Variants in CLYBL observed in about 807,000 individuals in gnomAD.
The protein encoded by CLYBL is citramalyl-CoA lyase, mitochondrial.
CLYBL carries 31 observed loss-of-function variants against 38.9 expected under a neutral mutation model. That is an observed-to-expected ratio of 0.80 (90% CI 0.60 to 1.08). The LOEUF (loss-of-function observed/expected upper bound fraction) is 1.08. Ranked by LOEUF, CLYBL falls within the 50% of genes least tolerant of loss-of-function variation. The probability of loss-of-function intolerance (pLI) is 0.00; values close to 1 mark genes in which losing one functional copy is unlikely to be tolerated. For missense variants in CLYBL, 434 were observed against 411.6 expected, an observed-to-expected ratio of 1.05 and a Z score of -0.47; for synonymous variants, 171 against 158.6, an observed-to-expected ratio of 1.08 and a Z score of -0.59.
At chr13:99,779,916 T>G (rs1014367936) in intron 2 of CLYBL, among the ~76,000 whole-genome samples, 30 of 152,200 alleles carry the variant, frequency 2.0e-4, no homozygotes, top group African/African-American at 6.3e-4. Context: ...ACATTAGCCA[T>G]TTTTTGTAAC....
intron 1 of CLYBL, among the ~76,000 whole-genome samples, chr13:99,706,552 A>G (rs573317482): frequency 6.6e-6 from 1 of 152,306 alleles, no homozygotes. Context: ...TCAATAGAGT[A>G]TTACGGAAGG....
intron 2 of CLYBL, among the ~76,000 whole-genome samples, chr13:99,829,770 A>C (rs1326069641): frequency 6.6e-6 from 1 of 152,000 alleles, no homozygotes; most frequent in East Asian, 1.9e-4. Flanking sequence ...GTCCCAATCA[A>C]CTCCGAAATG....
chr13:99,870,486 A>G (rs1348114098), intron 6 of CLYBL, among the ~76,000 whole-genome samples: 1 of 152,064 alleles, frequency 6.6e-6, no homozygotes, highest in Admixed American at 6.5e-5. Context: ...AAGAGAAATC[A>G]TGGAAAGAGG....
At chr13:99,615,373 C>G (rs377452570) in intron 1 of CLYBL, among the ~76,000 whole-genome samples, 1 of 152,144 alleles carries the variant, frequency 6.6e-6, no homozygotes, top group Non-Finnish European at 1.5e-5. Context: ...TAAGAAGGCT[C>G]GGAAAAGCAA....
At chr13:99,841,730 C>A (rs1004188369) in intron 2 of CLYBL, among the ~76,000 whole-genome samples, 1 of 151,942 alleles carries the variant, frequency 6.6e-6, no homozygotes. Context: ...TACGTGACAA[C>A]GTGGGAACCT....
intron 2 of CLYBL, among the ~76,000 whole-genome samples, chr13:99,838,721 C>G (rs919006851): frequency 2.0e-5 from 3 of 152,116 alleles, no homozygotes; most frequent in Non-Finnish European, 4.4e-5. Context: ...CTGCAAGCTC[C>G]GCCTCCCAGG....
At chr13:99,817,334 G>A (rs1367085878) in intron 2 of CLYBL, among the ~76,000 whole-genome samples, 1 of 152,126 alleles carries the variant, frequency 6.6e-6, no homozygotes, top group African/African-American at 2.4e-5. Flanking sequence ...GTGGAGGAGA[G>A]GGAAAGTGAT....
intron 2 of CLYBL, among the ~76,000 whole-genome samples, chr13:99,774,187 C>T (rs1184813299): frequency 3.3e-5 from 5 of 152,156 alleles, no homozygotes; most frequent in Non-Finnish European, 7.4e-5. Flanking sequence ...GAACCATGAT[C>T]GTGCCACTGC....
At chr13:99,676,317 TTCTC>T (rs1263191728) in intron 1 of CLYBL, among the ~76,000 whole-genome samples, 1 of 151,624 alleles carries the variant, frequency 6.6e-6, no homozygotes, top group Non-Finnish European at 1.5e-5. Context: ...TCCTGTCCTC[TTCTC>T]TCTTTCTGAC....
At chr13:99,670,649 A>G (rs958795229) in intron 1 of CLYBL, among the ~76,000 whole-genome samples, 3 of 152,264 alleles carry the variant, frequency 2.0e-5, no homozygotes, top group African/African-American at 7.2e-5. Context: ...CAGTTTTACA[A>G]TTTGTTTTTG....
intron 1 of CLYBL, among the ~76,000 whole-genome samples, chr13:99,711,117 A>T (rs891897375): frequency 6.6e-6 from 1 of 151,994 alleles, no homozygotes; most frequent in African/African-American, 2.4e-5. Flanking sequence ...GCCTCAAGTG[A>T]TCTGACTGCC....
chr13:99,631,171 A>T (rs1331620852), intron 1 of CLYBL, among the ~76,000 whole-genome samples: 1 of 151,964 alleles, frequency 6.6e-6, no homozygotes, highest in Non-Finnish European at 1.5e-5. Flanking sequence ...AAAATAGAAA[A>T]ATTAGCCACG....
At chr13:99,615,871 T>C (rs1019488375) in intron 1 of CLYBL, among the ~76,000 whole-genome samples, 1 of 152,216 alleles carries the variant, frequency 6.6e-6, no homozygotes, top group African/African-American at 2.4e-5. Context: ...TCTCACTCTG[T>C]CGCTCAGGCT....
intron 2 of CLYBL, among the ~76,000 whole-genome samples, chr13:99,846,868 G>T (rs183013156): frequency 8.5e-5 from 13 of 152,154 alleles, no homozygotes; most frequent in African/African-American, 2.9e-4. Flanking sequence ...CAGCTGAGTC[G>T]GTCTTAACCC....
At chr13:99,649,577 A>G (rs1195677404) in intron 1 of CLYBL, among the ~76,000 whole-genome samples, 1 of 152,230 alleles carries the variant, frequency 6.6e-6, no homozygotes, top group African/African-American at 2.4e-5. Context: ...TAAATGTTCT[A>G]TGAGTCCACC....
At chr13:99,884,306 G>A (rs572673622) in intron 7 of CLYBL, among the ~76,000 whole-genome samples, 2 of 152,290 alleles carry the variant, frequency 1.3e-5, no homozygotes, top group Admixed American at 1.3e-4. Flanking sequence ...GCTTTGTGGA[G>A]ACCTGGGGTG....
At chr13:99,655,732 G>A (rs1172764166) in intron 1 of CLYBL, among the ~76,000 whole-genome samples, 1 of 152,212 alleles carries the variant, frequency 6.6e-6, no homozygotes, top group East Asian at 1.9e-4. Context: ...GGCCCTGTCT[G>A]GGTGCCCGTG....
chr13:99,663,615 CTG>C (rs1228179974), intron 1 of CLYBL, among the ~76,000 whole-genome samples: 1 of 152,178 alleles, frequency 6.6e-6, no homozygotes, highest in Non-Finnish European at 1.5e-5. Context: ...AGCATCGATA[CTG>C]TGTGTCTACC....
chr13:99,699,457 G>A (rs1307275363), intron 1 of CLYBL, among the ~76,000 whole-genome samples: 4 of 151,750 alleles, frequency 2.6e-5, no homozygotes, highest in Non-Finnish European at 5.9e-5. Context: ...ACTTTGGGAG[G>A]CTGAGGCAGG....
Sources: allele counts gnomAD v4.1 joint callset (sites outside exome capture counted in the v4.1 genomes callset), GRCh38; gene constraint gnomAD v4.1.1; transcripts MANE v1.5; gene names NCBI Gene and HGNC (gene_info 2026-07-23, HGNC 2026-07-21).